CALCR: variants seen among roughly 807,000 people sequenced by gnomAD.
CALCR encodes the protein calcitonin receptor.
A neutral mutation model predicts 59.5 loss-of-function variants in CALCR; 47 were observed. The ratio of observed to expected loss-of-function variants is 0.79; its 90% CI spans 0.63 to 1.01. The LOEUF (loss-of-function observed/expected upper bound fraction) is 1.01, where lower values mean the gene tolerates loss of function less well. CALCR is among the 50% of genes least tolerant of loss of function. The pLI is 0.00. For synonymous variants in CALCR, 213 were observed against 211.3 expected, an observed-to-expected ratio of 1.01 and a Z score of -0.07; for missense variants, 566 against 597.1, an observed-to-expected ratio of 0.95 and a Z score of 0.54.
At chr7:93,549,397 A>T (rs10270704) in intron 2 of CALCR, among the ~76,000 whole-genome samples, 18,995 of 152,130 alleles carry the variant, frequency 0.12, 2,068 homozygotes, top group East Asian at 0.36. Context: ...CTGATAGAAA[A>T]GGGAGAATGA....
At chr7:93,444,660 G>A (rs938785574) in intron 8 of CALCR, among the ~76,000 whole-genome samples, 5 of 151,970 alleles carry the variant, frequency 3.3e-5, no homozygotes, top group Admixed American at 2.0e-4. Flanking sequence ...TCTTCCCTGG[G>A]GAGCAAAATG....
intron 2 of CALCR, among the ~76,000 whole-genome samples, chr7:93,487,400 T>C (rs2115933662): frequency 6.6e-6 from 1 of 151,552 alleles, no homozygotes; most frequent in Middle Eastern, 3.4e-3. Context: ...AAATAAAATC[T>C]GTAATTTGTG....
chr7:93,559,877 A>T (rs1789705350), intron 2 of CALCR: 1 of 152,066 alleles, frequency 6.6e-6, no homozygotes, highest in South Asian at 2.1e-4. Flanking sequence ...ACATGTAATA[A>T]TCTCTCTGCT....
intron 2 of CALCR, among the ~76,000 whole-genome samples, chr7:93,493,105 C>A (rs1215398057): frequency 6.6e-6 from 1 of 151,256 alleles, no homozygotes; most frequent in Non-Finnish European, 1.5e-5. Flanking sequence ...AACAACCTTA[C>A]CTAATGCTAA....
chr7:93,559,594 C>T (rs1303607055), intron 2 of CALCR: 1 of 151,504 alleles, frequency 6.6e-6, no homozygotes, highest in Non-Finnish European at 1.5e-5. Context: ...CAGTTGCTGG[C>T]AAGATACTCA....
intron 2 of CALCR, among the ~76,000 whole-genome samples, chr7:93,521,608 T>C (rs1044742559): frequency 6.6e-6 from 1 of 152,188 alleles, no homozygotes; most frequent in African/African-American, 2.4e-5. Flanking sequence ...CTAGATTTTA[T>C]TTTTCTAAAC....
At chr7:93,535,425 T>C (rs889147948) in intron 2 of CALCR, among the ~76,000 whole-genome samples, 3 of 151,746 alleles carry the variant, frequency 2.0e-5, no homozygotes, top group Admixed American at 1.3e-4. Context: ...CTGTCTTGCT[T>C]CACTTTTTAT....
chr7:93,539,991 C>T (rs1789089225), intron 2 of CALCR, among the ~76,000 whole-genome samples: 1 of 152,170 alleles, frequency 6.6e-6, no homozygotes, highest in Admixed American at 6.6e-5. Flanking sequence ...TCCTGGTTTC[C>T]CACTAGGCTT....
intron 2 of CALCR, among the ~76,000 whole-genome samples, chr7:93,528,284 T>C (rs767091442): frequency 3.3e-5 from 5 of 152,206 alleles, no homozygotes; most frequent in African/African-American, 7.2e-5. Context: ...AAATTTAAAA[T>C]TTTTTTATTA....
In CALCR at chr7:93,477,654, G is replaced by C. The variant is rs368981699; in HGVS notation, c.220C>G (p.Arg74Gly). Residue 74 changes from arginine to glycine, a missense_variant, in exon 5 of 14, where the codon CGC (arginine) becomes GGC (glycine). Arg to Gly is a moderately radical substitution (Grantham distance 125). Coordinates refer to ENST00000426151, the MANE Select transcript of CALCR (RefSeq NM_001742.4). ...CAGCACAGCCATCCATCCCAGGTGC[G>C]ATTGCAATATGGACCTGGCCATTTA... The part of the protein sequence containing the change: ...AYQGEGPYCN[R>G]TWDGWLCWDD... The C allele has an allele frequency of 6.2e-7, 1 of 1,606,950 alleles. No homozygotes were observed. The highest frequency in any genetic ancestry group is 8.5e-7 in the Non-Finnish European group (1 of 1,174,586).
chr7:93,571,911 TTCCTCTTTC>T (rs1461460186), intron 2 of CALCR, among the ~76,000 whole-genome samples: 4 of 152,184 alleles, frequency 2.6e-5, no homozygotes, highest in Non-Finnish European at 5.9e-5. Context: ...TGATGCTATT[TTCCTCTTTC>T]TCCTCTTTCA....
intron 2 of CALCR, among the ~76,000 whole-genome samples, chr7:93,510,427 A>G (rs1801521044): frequency 1.3e-5 from 2 of 152,182 alleles, no homozygotes; most frequent in East Asian, 1.9e-4. Context: ...CTGGTGGGCC[A>G]GGGAGGCACC....
At chr7:93,472,317 T>C in intron 6 of CALCR, 58 bp downstream of exon 6, 1 of 1,031,608 alleles carries the variant, frequency 9.7e-7, no homozygotes. Flanking sequence ...TATGCGTCCA[T>C]TTCCTTGTAC....
In CALCR at chr7:93,520,031, T is replaced by C. The variant is rs1215363125; in HGVS notation, c.-26-33024A>G. Among the ~76,000 whole-genome samples, 3 of 152,192 alleles carry C rather than the reference T, an allele frequency of 2.0e-5. No homozygotes were observed. The East Asian group carries it at 5.8e-4, about 29-fold the overall frequency. On this transcript the variant is annotated intron_variant, in intron 2 of 13. Coordinates refer to ENST00000426151, the MANE Select transcript of CALCR (RefSeq NM_001742.4). Reference sequence around the variant, plus strand: ...GTCTATCTTCAAATATAAACATTTTTCAAAATGTGTTCATAAATATAGAAT... The same window carrying C: ...GTCTATCTTCAAATATAAACATTTTCCAAAATGTGTTCATAAATATAGAAT...
intron 2 of CALCR, among the ~76,000 whole-genome samples, chr7:93,522,865 A>G (rs1353437904): frequency 6.6e-6 from 1 of 152,180 alleles, no homozygotes; most frequent in African/African-American, 2.4e-5. Context: ...CTGTTATGCC[A>G]CTGGCAAACC....
chr7:93,471,764 C>A (rs553352537), intron 6 of CALCR, among the ~76,000 whole-genome samples: 2 of 151,800 alleles, frequency 1.3e-5, no homozygotes, highest in African/African-American at 2.4e-5. Context: ...CATCTGTTCC[C>A]CACTCGCCAT....
intron 2 of CALCR, among the ~76,000 whole-genome samples, chr7:93,518,076 G>C (rs907205998): frequency 6.6e-6 from 1 of 151,816 alleles, no homozygotes; most frequent in Non-Finnish European, 1.5e-5. Context: ...ATTGAGAACA[G>C]TAGATAAAAA....
In CALCR at chr7:93,438,143, G is replaced by A. The variant is rs1346044199; in HGVS notation, c.864-17C>T. 38 of 1,613,194 alleles carry A rather than the reference G, an allele frequency of 2.4e-5. No individual in the cohort carries two copies. The highest frequency in any genetic ancestry group is 3.1e-5 in the Non-Finnish European group (36 of 1,179,504). Reference sequence around the variant, plus strand: ...AGCCAGCAGCTGAAAAAGGGCAAGGGGACAATTAATACACAAATACATTTT... The same window carrying A: ...AGCCAGCAGCTGAAAAAGGGCAAGGAGACAATTAATACACAAATACATTTT... On this transcript the variant is annotated splice_polypyrimidine_tract_variant and intron_variant, in intron 10 of 13. Transcript: ENST00000426151.
At chr7:93,439,618 C>A (rs950345312) in intron 9 of CALCR, among the ~76,000 whole-genome samples, 4 of 150,640 alleles carry the variant, frequency 2.7e-5, no homozygotes, top group African/African-American at 9.7e-5. Flanking sequence ...TTTCTTTTTT[C>A]TTTCTCTCTC....
Sources: allele counts gnomAD v4.1 joint callset (sites outside exome capture counted in the v4.1 genomes callset), GRCh38; gene constraint gnomAD v4.1.1; transcripts MANE v1.5; gene names NCBI Gene and HGNC (gene_info 2026-07-23, HGNC 2026-07-21).